The following NFAM1 variants were observed in gnomAD, a reference collection of about 807,000 sequenced individuals.
NFAM1 encodes NFAT activation molecule 1.
A neutral mutation model predicts 29.0 loss-of-function variants in NFAM1; 17 were observed. That is an observed-to-expected ratio of 0.59 (90% CI 0.40 to 0.88). The LOEUF is 0.88. Ranked by LOEUF, NFAM1 falls within the 40% of genes least tolerant of loss-of-function variation. The pLI is 0.00. For missense variants in NFAM1, 324 were observed against 344.6 expected (o/e 0.94, Z 0.47); for synonymous variants, 175 against 147.2 (o/e 1.19, Z -1.36).
chr22:42,387,507 C>A (rs1387263691), intron 4 of NFAM1, among the ~76,000 whole-genome samples: 1 of 151,850 alleles, frequency 6.6e-6, no homozygotes, highest in Non-Finnish European at 1.5e-5. Flanking sequence ...CTGCCTTCAC[C>A]CCCCTGTTCA....
chr22:42,422,971 T>C (rs10854754), intron 1 of NFAM1, among the ~76,000 whole-genome samples: 104,492 of 151,752 alleles, frequency 0.69, 37,616 homozygotes, highest in African/African-American at 0.91. Flanking sequence ...ACATTAGCTG[T>C]GCGTGGTGGC....
intron 5 of NFAM1, among the ~76,000 whole-genome samples, chr22:42,386,426 C>CACACACACACACACAA (rs1491541989): frequency 1.4e-4 from 15 of 106,408 alleles, no homozygotes; most frequent in African/African-American, 6.3e-4. Context: ...CACACACACA[C>CACACACACACACACAA]AAAACAAAAA....
upstream of NFAM1, among the ~76,000 whole-genome samples, chr22:42,432,696 G>A (rs1184814563): frequency 6.6e-6 from 1 of 152,228 alleles, no homozygotes; most frequent in Admixed American, 6.5e-5. Flanking sequence ...ATTTCCATGA[G>A]TGACTTCGGG....
At chr22:42,420,681 G>A (rs920571164) in intron 1 of NFAM1, among the ~76,000 whole-genome samples, 8 of 151,546 alleles carry the variant, frequency 5.3e-5, no homozygotes, top group Non-Finnish European at 8.8e-5. Context: ...CAAGAGAATC[G>A]CTTGAACCCA....
At chr22:42,406,237 C>G (rs1020651927) in intron 3 of NFAM1, among the ~76,000 whole-genome samples, 2 of 152,202 alleles carry the variant, frequency 1.3e-5, no homozygotes, top group African/African-American at 4.8e-5. Flanking sequence ...GGGTCCGCTT[C>G]CAGCCTTTCA....
Position 42,401,639 on chromosome 22 carries a change from C to T in NFAM1, c.565-3683G>A, listed in dbSNP as rs116161229. ...TCCCTGCCCATCCCTGCCCACTGAG[C>T]GCTCTGTCCTCGGGGCCAACATTTG... is the stretch of plus-strand genomic sequence containing the variant. On this transcript the variant is annotated intron_variant, in intron 3 of 5. Coordinates refer to ENST00000329021, the MANE Select transcript of NFAM1 (RefSeq NM_145912.8). Among the ~76,000 whole-genome samples, 623 of 152,238 alleles carry T rather than the reference C, an allele frequency of 4.1e-3. 3 individuals are homozygous for T. Among genetic ancestry groups the T allele is most frequent in the African/African-American group, 0.014 (592 of 41,534 alleles).
intron 1 of NFAM1, among the ~76,000 whole-genome samples, chr22:42,427,808 G>A (rs1203537373): frequency 6.6e-6 from 1 of 152,198 alleles, no homozygotes; most frequent in Admixed American, 6.5e-5. Context: ...ATGGTTTCGG[G>A]ATGTGTACTA....
intron 1 of NFAM1, among the ~76,000 whole-genome samples, chr22:42,413,265 G>A (rs1312862500): frequency 1.3e-5 from 2 of 152,114 alleles, no homozygotes; most frequent in Non-Finnish European, 2.9e-5. Flanking sequence ...GAGAGGTGTG[G>A]GCCCTGCCTG....
At chr22:42,399,988 G>A (rs1303981025) in intron 3 of NFAM1, among the ~76,000 whole-genome samples, 2 of 152,130 alleles carry the variant, frequency 1.3e-5, no homozygotes, top group African/African-American at 4.8e-5. Context: ...CTTCTCTCAC[G>A]CGCCCTCCAC....
chr22:42,386,927 A>C (rs2147088188), intron 5 of NFAM1, 62 bp downstream of exon 5: 1 of 893,552 alleles, frequency 1.1e-6, no homozygotes, highest in Non-Finnish European at 1.7e-6. Context: ...CCCCCACTTC[A>C]CCAGTGATGG....
intron 1 of NFAM1, among the ~76,000 whole-genome samples, chr22:42,420,060 G>A (rs78289400): frequency 0.06 from 7,815 of 129,532 alleles, 388 homozygotes; most frequent in African/African-American, 0.13. Context: ...ACCCAGGCTC[G>A]AGTGAAATGG....
chr22:42,432,421 C>T, upstream of NFAM1: 3 of 1,471,980 alleles, frequency 2.0e-6, no homozygotes, highest in South Asian at 1.4e-5. Context: ...GCGCTGACAG[C>T]TTCCCCTTTG....
chr22:42,402,897 G>T (rs1040253824), intron 3 of NFAM1, among the ~76,000 whole-genome samples: 1 of 141,214 alleles, frequency 7.1e-6, no homozygotes, highest in Non-Finnish European at 1.5e-5. Context: ...GTGCAGTAGC[G>T]CAATCCAGGC....
intron 4 of NFAM1, among the ~76,000 whole-genome samples, chr22:42,390,918 T>A (rs866627319): frequency 6.6e-6 from 1 of 151,982 alleles, no homozygotes; most frequent in Non-Finnish European, 1.5e-5. Context: ...GGCGCTGACC[T>A]TGACCCTTGG....
In NFAM1 at chr22:42,380,804, AAGAGAG is replaced by A. The variant is rs372024414; in HGVS notation, c.*4351_*4356del. On this transcript the variant is annotated 3_prime_UTR_variant, in exon 6 of 6. Coordinates refer to ENST00000329021, the MANE Select transcript of NFAM1 (RefSeq NM_145912.8). Reference sequence around the variant, plus strand: ...TAGAATGTGCTTTAACAAAAAAAAAAAGAGAGAGAGAGAGAAAGAAAAAGGAAAAGC... The same window carrying A: ...TAGAATGTGCTTTAACAAAAAAAAAAAGAGAGAGAAAGAAAAAGGAAAAGC... 6.6e-6 allele frequency: 1 copy of A among 152,072 alleles called. No homozygotes were observed. Among genetic ancestry groups the A allele is most frequent in the Non-Finnish European group, 1.5e-5 (1 of 67,802 alleles). The allele number at this position is 152,072 out of a possible 1,614,324, so 9.4% of individuals were successfully genotyped here.
intron 4 of NFAM1, among the ~76,000 whole-genome samples, chr22:42,396,483 T>TTA (rs56372586): frequency 0.016 from 2,413 of 150,034 alleles, 50 homozygotes; most frequent in African/African-American, 0.049. Context: ...TTTTCTTCTT[T>TTA]TATATATATA....
In NFAM1 at chr22:42,409,507, G is replaced by T. The variant is rs1281546783; in HGVS notation, c.492C>A (p.Leu164=). 1 of 1,567,882 alleles carries T rather than the reference G, an allele frequency of 6.4e-7. No individual in the cohort carries two copies. The highest frequency in any genetic ancestry group is 8.7e-7 in the Non-Finnish European group (1 of 1,155,924). The change falls in exon 3 of 6, where the codon CTC becomes CTA. Residue 164 remains leucine, a synonymous_variant. Coordinates refer to ENST00000329021, the MANE Select transcript of NFAM1 (RefSeq NM_145912.8). The surrounding 1 kb of genome is among the most constrained non-coding windows in gnomAD (Gnocchi z 4.9). The part of the protein sequence containing the change: ...YREPPQSPQK[L]LLFGFTGLLS... Reference sequence around the variant, plus strand: ...GGAGGCCGGTGAAGCCAAAGAGCAGGAGCTTCTGTGGACTCTGCGGGGGCT... The same window carrying T: ...GGAGGCCGGTGAAGCCAAAGAGCAGTAGCTTCTGTGGACTCTGCGGGGGCT...
chr22:42,416,846 A>T (rs1031217300), intron 1 of NFAM1, among the ~76,000 whole-genome samples: 5 of 152,198 alleles, frequency 3.3e-5, no homozygotes, highest in Non-Finnish European at 7.3e-5. Flanking sequence ...GGTCCGGGGC[A>T]GTGAGCTGGC....
chr22:42,423,985 C>T (rs1411934641), intron 1 of NFAM1, among the ~76,000 whole-genome samples: 1 of 152,072 alleles, frequency 6.6e-6, no homozygotes, highest in African/African-American at 2.4e-5. Flanking sequence ...GTCTCAAACT[C>T]CTGACCTCAT....
Sources: gnomAD v4.1 joint callset for allele counts (sites outside exome capture counted in the v4.1 genomes callset) on GRCh38, gnomAD v4.1.1 for gene constraint, Gnocchi (gnomAD v3.1) non-coding constraint, MANE v1.5 for transcripts, NCBI Gene and HGNC (gene_info 2026-07-23, HGNC 2026-07-21) for gene names.